SLC24A3: variants seen among roughly 807,000 people sequenced by gnomAD.
SLC24A3 encodes the protein sodium/potassium/calcium exchanger 3.
In SLC24A3, 28 loss-of-function variants were observed where a neutral mutation model predicts 75.8. That is an observed-to-expected ratio of 0.37 (90% CI 0.27 to 0.51). The LOEUF (loss-of-function observed/expected upper bound fraction) is 0.51, where lower values mean the gene tolerates loss of function less well. SLC24A3 is among the 20% of genes least tolerant of loss of function. The pLI is 0.94. For synonymous variants in SLC24A3, 372 were observed against 334.1 expected, an observed-to-expected ratio of 1.11 and a Z score of -1.24; for missense variants, 663 against 847.8, an observed-to-expected ratio of 0.78 and a Z score of 2.71.
intron 6 of SLC24A3, among the ~76,000 whole-genome samples, chr20:19,605,866 A>G (rs1568670606): frequency 6.6e-6 from 1 of 152,096 alleles, no homozygotes. Flanking sequence ...GTTTGGGGAG[A>G]CTGGAAGGGA....
At chr20:19,645,776 G>A (rs146650492) in intron 6 of SLC24A3, among the ~76,000 whole-genome samples, 4 of 152,316 alleles carry the variant, frequency 2.6e-5, no homozygotes, top group South Asian at 2.1e-4. Flanking sequence ...GGCTCAGGCC[G>A]AGCACAGTGG....
At chr20:19,287,621 TA>T (rs1983847675) in intron 2 of SLC24A3, among the ~76,000 whole-genome samples, 1 of 152,244 alleles carries the variant, frequency 6.6e-6, no homozygotes, top group South Asian at 2.1e-4. Flanking sequence ...TTAATCTTCA[TA>T]ACAATTCCCT....
chr20:19,231,618 G>C (rs1299060764), intron 1 of SLC24A3, among the ~76,000 whole-genome samples: 2 of 152,222 alleles, frequency 1.3e-5, no homozygotes, highest in African/African-American at 2.4e-5. Context: ...AGAGCTTCCA[G>C]TAGGAATGCA....
intron 6 of SLC24A3, among the ~76,000 whole-genome samples, chr20:19,643,606 A>G (rs766031207): frequency 6.6e-6 from 1 of 152,210 alleles, no homozygotes; most frequent in Non-Finnish European, 1.5e-5. Flanking sequence ...CTGCATTCTG[A>G]TAATATTATA....
At chr20:19,215,142 G>A (rs1436538341) in intron 1 of SLC24A3, among the ~76,000 whole-genome samples, 1 of 152,162 alleles carries the variant, frequency 6.6e-6, no homozygotes, top group Non-Finnish European at 1.5e-5. Flanking sequence ...GTGTGAATCT[G>A]CAAATGATAA....
intron 6 of SLC24A3, among the ~76,000 whole-genome samples, chr20:19,630,932 C>G (rs986223490): frequency 4.6e-5 from 7 of 152,128 alleles, no homozygotes; most frequent in African/African-American, 1.7e-4. Context: ...GGGTGGAGCA[C>G]GTTAGCTGCT....
chr20:19,308,463 G>T (rs150581718), intron 2 of SLC24A3, among the ~76,000 whole-genome samples: 1 of 152,170 alleles, frequency 6.6e-6, no homozygotes, highest in Non-Finnish European at 1.5e-5. Flanking sequence ...GTCTGCCTCC[G>T]CAGTCCTCAG....
At chr20:19,335,461 A>G (rs1334230128) in intron 2 of SLC24A3, among the ~76,000 whole-genome samples, 2 of 152,212 alleles carry the variant, frequency 1.3e-5, no homozygotes, top group Non-Finnish European at 2.9e-5. Flanking sequence ...CACACAGAGA[A>G]CAGTAATTGC....
intron 13 of SLC24A3, chr20:19,696,489 A>G (rs1330253867): frequency 3.6e-6 from 1 of 280,712 alleles, no homozygotes; most frequent in African/African-American, 2.1e-5. Flanking sequence ...ATTCTGTCCC[A>G]ATATTGCCTT....
intron 1 of SLC24A3, among the ~76,000 whole-genome samples, chr20:19,233,380 A>G (rs1982079285): frequency 6.6e-6 from 1 of 152,228 alleles, no homozygotes. Flanking sequence ...CCATACATGG[A>G]CGCATCTTGT....
chr20:19,623,401 C>G (rs2031829550), intron 6 of SLC24A3, among the ~76,000 whole-genome samples: 1 of 152,154 alleles, frequency 6.6e-6, no homozygotes, highest in South Asian at 2.1e-4. Context: ...CTGCAAAGGA[C>G]CATCAAGGCT....
chr20:19,382,055 G>T (rs938177170), intron 2 of SLC24A3, among the ~76,000 whole-genome samples: 1 of 152,206 alleles, frequency 6.6e-6, no homozygotes. Context: ...CATCCTTTCC[G>T]ATATTTAATG....
intron 3 of SLC24A3, among the ~76,000 whole-genome samples, chr20:19,544,695 C>A (rs148112960): frequency 9.2e-5 from 14 of 152,094 alleles, no homozygotes. Context: ...CCGATAAAAA[C>A]TGGATTTATA....
intron 2 of SLC24A3, among the ~76,000 whole-genome samples, chr20:19,484,514 G>C (rs1355796192): frequency 6.6e-6 from 1 of 152,176 alleles, no homozygotes; most frequent in Non-Finnish European, 1.5e-5. Flanking sequence ...GTCTTAAAAA[G>C]GAAGGAAATT....
chr20:19,481,852 G>A (rs970139364), intron 2 of SLC24A3, among the ~76,000 whole-genome samples: 2 of 152,060 alleles, frequency 1.3e-5, no homozygotes, highest in Admixed American at 6.5e-5. Context: ...TCTTCTTTGA[G>A]CTCTAGCCTT....
In SLC24A3 at chr20:19,375,004, T is replaced by C. The variant is rs150158217; in HGVS notation, c.271+93917T>C. Among the ~76,000 whole-genome samples, 10 of 152,252 alleles carry C rather than the reference T, an allele frequency of 6.6e-5. No individual in the cohort carries two copies. The East Asian group carries it at 1.9e-3, about 29-fold the overall frequency. On this transcript the variant is annotated intron_variant, in intron 2 of 16. Coordinates refer to ENST00000328041, the MANE Select transcript of SLC24A3 (RefSeq NM_020689.4). The stretch of plus-strand genomic sequence containing the variant: ...TTATTTTTCCCAGAGTTTCTGCTAG[T>C]AGGAAGCCCCAGGTACACCCAGGGA...
At position 19,685,288 on chromosome 20, in the gene SLC24A3, C is replaced by T; in HGVS notation, c.1251C>T (p.Asp417=). 2 of 1,613,970 alleles carry T rather than the reference C, an allele frequency of 1.2e-6. No homozygotes were observed. Among genetic ancestry groups the T allele is most frequent in the Non-Finnish European group, 8.5e-7 (1 of 1,180,008 alleles). ...ACGAAACAGAGAATGAAAATGAGGACAATGAGAATGATGAGGAGGAAGAGG... is the reference window on the plus strand; with the variant it reads ...ACGAAACAGAGAATGAAAATGAGGATAATGAGAATGATGAGGAGGAAGAGG... ...AGNETENENE[D]NENDEEEEED... Residue 417 remains aspartate, a synonymous_variant, in exon 12 of 17, where the codon GAC becomes GAT. Transcript: ENST00000328041.
chr20:19,671,452 GAA>G (rs1339832702), intron 8 of SLC24A3, among the ~76,000 whole-genome samples: 1 of 152,178 alleles, frequency 6.6e-6, no homozygotes, highest in Non-Finnish European at 1.5e-5. Flanking sequence ...AGGTTGAAGT[GAA>G]AAATGACCTA....
Position 19,626,890 on chromosome 20 carries a change from G to A in SLC24A3, c.613-27172G>A, listed in dbSNP as rs1535249. Among the ~76,000 whole-genome samples the A allele has an allele frequency of 6.5e-3, 992 of 152,272 alleles. 9 individuals carry two copies. Among genetic ancestry groups the A allele is most frequent in the Non-Finnish European group, 0.011 (721 of 68,028 alleles). ...TTGCAAAATGAATATGGGCTGTCAC[G>A]TAGAGCCAGTTGAATACTGTGAAAA... is the stretch of plus-strand genomic sequence containing the variant. On this transcript the variant is annotated intron_variant, in intron 6 of 16. Coordinates refer to ENST00000328041, the MANE Select transcript of SLC24A3 (RefSeq NM_020689.4).
Sources: allele counts gnomAD v4.1 joint callset (sites outside exome capture counted in the v4.1 genomes callset), GRCh38; gene constraint gnomAD v4.1.1; transcripts MANE v1.5; gene names NCBI Gene and HGNC (gene_info 2026-07-23, HGNC 2026-07-21).